Variants in NPAS4 observed in about 807,000 individuals in gnomAD.
NPAS4 encodes neuronal PAS domain protein 4.
Under a neutral mutation model 64.0 loss-of-function variants are expected in NPAS4, and 10 were observed. The observed-to-expected ratio is 0.16, with a 90% CI of 0.10 to 0.26. The LOEUF (loss-of-function observed/expected upper bound fraction) is 0.26, where lower values mean the gene tolerates loss of function less well. Ranked by LOEUF, NPAS4 falls within the 10% of genes least tolerant of loss-of-function variation. The pLI is 1.00. For missense variants in NPAS4, 886 were observed against 992.6 expected (o/e 0.89, Z 1.44); for synonymous variants, 441 against 411.7 (o/e 1.07, Z -0.86).
rs1325758577 is a variant in NPAS4, at chr11:66,424,192, T to G, written c.1302T>G (p.Cys434Trp). ...PPYTPHQPGG[C>W]AFLFSLHEPF... ...ACACGCCCCATCAGCCAGGAGGCTGTGCCTTCCTCTTCAGCCTCCATGAGC... is the reference window on the plus strand; with the variant it reads ...ACACGCCCCATCAGCCAGGAGGCTGGGCCTTCCTCTTCAGCCTCCATGAGC... The change falls in exon 7 of 8, where the codon TGT (cysteine) becomes TGG (tryptophan). Residue 434 changes from cysteine to tryptophan, a missense_variant. By Grantham distance (215) the Cys-to-Trp change is radical. This residue lies in a region of NPAS4 where 820 missense variants were observed against 855.5 expected (regional missense o/e 0.96). Coordinates refer to ENST00000311034, the MANE Select transcript of NPAS4 (RefSeq NM_178864.4). 6.2e-7 allele frequency: 1 copy of G among 1,613,734 alleles called. No individual in the cohort carries two copies. The highest frequency in any genetic ancestry group is 2.2e-5 in the East Asian group (1 of 44,870).
chr11:66,422,509 T>A lies in NPAS4; in HGVS notation c.386T>A (p.Leu129His), dbSNP rs751994670. Residue 129 changes from leucine (L) to histidine (H), a missense_variant, in exon 3 of 8, where the codon CTC (leucine) becomes CAC (histidine). Physicochemically the swap from Leu to His is moderately conservative, Grantham distance 99. Transcript: ENST00000311034. Reference sequence around the variant, plus strand: ...GACATCATTGACCCAGCTGACCACCTCACTGTGCGCCAGCAACTCACCCTG... The same window carrying A: ...GACATCATTGACCCAGCTGACCACCACACTGTGCGCCAGCAACTCACCCTG... Reference protein sequence around the residue: ...IYDIIDPADHLTVRQQLTLPS... With the variant: ...IYDIIDPADHHTVRQQLTLPS... 17 of 1,613,884 alleles carry A rather than the reference T, an allele frequency of 1.1e-5. No individual in the cohort carries two copies. Among genetic ancestry groups the A allele is most frequent in the Middle Eastern group, 1.6e-4 (1 of 6,084 alleles).
At chr11:66,423,363 G>C in intron 5 of NPAS4, 131 bp downstream of exon 5, 1 of 807,198 alleles carries the variant, frequency 1.2e-6, no homozygotes. Flanking sequence ...GATGCTATAG[G>C]GTGAACATGA....
At chr11:66,413,117 C>A in the NPAS4 span, among the ~76,000 whole-genome samples, 7 of 152,214 alleles carry the variant, frequency 4.6e-5, no homozygotes, top group Non-Finnish European at 1.0e-4. Flanking sequence ...AGGATTAAAT[C>A]GCTATTTCAC....
At chr11:66,413,660 G>A in the NPAS4 span, among the ~76,000 whole-genome samples, 1 of 152,198 alleles carries the variant, frequency 6.6e-6, no homozygotes, top group Admixed American at 6.5e-5. Context: ...TCATTTATGA[G>A]GCCACACTCC....
At position 66,422,470 on chromosome 11, in the gene NPAS4, G is replaced by A; in HGVS notation, c.347G>A (p.Gly116Asp). Reference sequence around the variant, plus strand: ...CTCCAGGTGGACCTGGTTGCCCAGGGTGACAGCATCTACGACATCATTGAC... The same window carrying A: ...CTCCAGGTGGACCTGGTTGCCCAGGATGACAGCATCTACGACATCATTGAC... ...GHSMVDLVAQ[G>D]DSIYDIIDPA... Residue 116 changes from glycine (G) to aspartate (D), a missense_variant, in exon 3 of 8, where the codon GGT becomes GAT. Gly to Asp is a moderately conservative substitution (Grantham distance 94, BLOSUM62 -1). Around this residue, in one of 3 missense-constraint regions of NPAS4, gnomAD observed 820 missense variants for 855.5 expected, o/e 0.96. Transcript: ENST00000311034. The A allele has an allele frequency of 6.2e-7, 1 of 1,613,930 alleles. No individual in the cohort carries two copies. The highest frequency in any genetic ancestry group is 8.5e-7 in the Non-Finnish European group (1 of 1,179,874).
At chr11:66,420,364 C>G (rs961998666), upstream of NPAS4, among the ~76,000 whole-genome samples, 2 of 152,220 alleles carry the variant, frequency 1.3e-5, no homozygotes, top group African/African-American at 4.8e-5. Flanking sequence ...CACCCATCCT[C>G]GGGACTTAGA....
rs768389587 is a variant in NPAS4, at chr11:66,422,794, G to A, written c.551G>A (p.Gly184Glu). ...CACCCACCTGGAGCCTACTGGGCAG[G>A]AAATCCCGTGTTCACAGCTTTCTGT... ...HAHPPGAYWAGNPVFTAFCAP... is the reference protein window; with the variant it reads ...HAHPPGAYWAENPVFTAFCAP... Residue 184 changes from glycine (G) to glutamate (E), a missense_variant, in exon 4 of 8, where the codon GGA becomes GAA. Gly to Glu is a moderately conservative substitution (Grantham distance 98, BLOSUM62 -2). This residue lies in a region of NPAS4 where 820 missense variants were observed against 855.5 expected (regional missense o/e 0.96). Transcript: ENST00000311034. 8.1e-6 allele frequency: 13 copies of A among 1,614,066 alleles called. No homozygotes were observed. Among genetic ancestry groups the A allele is most frequent in the African/African-American group, 1.3e-5 (1 of 74,938 alleles).
In NPAS4 at chr11:66,425,044, T is replaced by C. The variant is rs1253999241; in HGVS notation, c.2154T>C (p.Ser718=). Residue 718 remains serine (S), a synonymous_variant, in exon 7 of 8, where the codon TCT becomes TCC. Transcript: ENST00000311034. ...TGGAAGACATCTTCATGGATCTCTC[T>C]ACCCCAGATCCCAGTGAGGAATGGG... ...TPVEDIFMDL[S]TPDPSEEWGS... 1 of 1,612,248 alleles carries C rather than the reference T, an allele frequency of 6.2e-7. No individual in the cohort carries two copies. Among genetic ancestry groups the C allele is most frequent in the African/African-American group, 1.3e-5 (1 of 74,902 alleles).
intron 7 of NPAS4, among the ~76,000 whole-genome samples, 200 bp downstream of exon 7, chr11:66,425,470 G>T (rs1321370650): frequency 6.6e-6 from 1 of 152,140 alleles, no homozygotes; most frequent in Non-Finnish European, 1.5e-5. Context: ...CTTGGCAGGG[G>T]TTGGGGCTGT....
At chr11:66,415,144 G>T in the NPAS4 span, among the ~76,000 whole-genome samples, 1 of 152,184 alleles carries the variant, frequency 6.6e-6, no homozygotes, top group Non-Finnish European at 1.5e-5. Context: ...ATGGAATGGG[G>T]TACCCTGCCT....
chr11:66,418,015 C>G (rs938652340), upstream of NPAS4, among the ~76,000 whole-genome samples: 1 of 152,178 alleles, frequency 6.6e-6, no homozygotes, highest in Non-Finnish European at 1.5e-5. Context: ...CACAGACACA[C>G]ACACAGAGTC....
At chr11:66,417,681 T>A (rs1425354096), upstream of NPAS4, among the ~76,000 whole-genome samples, 1 of 152,068 alleles carries the variant, frequency 6.6e-6, no homozygotes. Context: ...CACCATCAGA[T>A]GCTGAAAGAC....
chr11:66,419,399 C>T (rs1331520313), upstream of NPAS4, among the ~76,000 whole-genome samples: 1 of 152,162 alleles, frequency 6.6e-6, no homozygotes, highest in African/African-American at 2.4e-5. Flanking sequence ...CACCCCTTTC[C>T]ATGAGGAGCG....
upstream of NPAS4, among the ~76,000 whole-genome samples, chr11:66,420,791 G>A (rs964174686): frequency 3.3e-5 from 5 of 152,180 alleles, no homozygotes; most frequent in Admixed American, 6.6e-5. Flanking sequence ...TCTCCGCTCA[G>A]CTCCCGCCAG....
Position 66,422,442 on chromosome 11 carries a change from TC to T in NPAS4, c.328-6del. ...CCCTAATGGTCATCTCTTCTTTTCCTCCCTCCAGGTGGACCTGGTTGCCCAG... is the reference window on the plus strand; with the variant it reads ...CCCTAATGGTCATCTCTTCTTTTCCTCCTCCAGGTGGACCTGGTTGCCCAG... On this transcript the variant is annotated splice_region_variant and splice_polypyrimidine_tract_variant and intron_variant, in intron 2 of 7. Transcript: ENST00000311034. 1 of 1,601,768 alleles carries T rather than the reference TC, an allele frequency of 6.2e-7. No homozygotes were observed. The highest frequency in any genetic ancestry group is 8.6e-7 in the Non-Finnish European group (1 of 1,168,778).
upstream of NPAS4, among the ~76,000 whole-genome samples, chr11:66,420,340 C>T (rs1856721092): frequency 6.6e-6 from 1 of 152,240 alleles, no homozygotes; most frequent in Non-Finnish European, 1.5e-5. Flanking sequence ...CCCTTTCCCA[C>T]CGGACTCCCT....
chr11:66,416,026 C>G (rs1856665042), upstream of NPAS4, among the ~76,000 whole-genome samples: 1 of 152,084 alleles, frequency 6.6e-6, no homozygotes. Context: ...CATTTCAGCC[C>G]AGGAGTTTGA....
chr11:66,422,618 A>G, intron 3 of NPAS4, 56 bp from the exon 4 acceptor site: 1 of 1,602,700 alleles, frequency 6.2e-7, no homozygotes, highest in Non-Finnish European at 8.5e-7. Flanking sequence ...CCCACCATCC[A>G]CTGTCTCTCT....
At position 66,424,435 on chromosome 11, in the gene NPAS4, C is replaced by T; in HGVS notation, c.1545C>T (p.Ser515=). The T allele has an allele frequency of 1.2e-6, 2 of 1,614,146 alleles. No individual in the cohort carries two copies. Among genetic ancestry groups the T allele is most frequent in the Non-Finnish European group, 1.7e-6 (2 of 1,180,024 alleles). ...CCTTCCCAGACCAGCTGCTTCCCAG[C>T]ACAGCCACCTTCCCAGAGCCTCTGG... ...TSTFPDQLLP[S]TATFPEPLGS... is the part of the protein sequence containing the mutation. The change falls in exon 7 of 8, where the codon AGC becomes AGT. Residue 515 remains serine, a synonymous_variant. Transcript: ENST00000311034.
Sources: allele counts gnomAD v4.1 joint callset (sites outside exome capture counted in the v4.1 genomes callset), GRCh38; gene constraint gnomAD v4.1.1; regional missense constraint gnomAD v4.1.1; transcripts MANE v1.5; gene names NCBI Gene and HGNC (gene_info 2026-07-23, HGNC 2026-07-21).